Variants in ARNT2 observed in about 807,000 individuals in gnomAD.
ARNT2 encodes aryl hydrocarbon receptor nuclear translocator 2.
In ARNT2, 36 loss-of-function variants were observed where a neutral mutation model predicts 91.7. The observed-to-expected ratio is 0.39, with a 90% CI of 0.30 to 0.52. The LOEUF is 0.52. ARNT2 is among the 20% of genes least tolerant of loss of function. The pLI, the probability that ARNT2 is intolerant of heterozygous loss-of-function variation, is 0.72. For synonymous variants in ARNT2, 365 were observed against 347.1 expected (o/e 1.05, Z -0.57); for missense variants, 775 against 939.3 (o/e 0.83, Z 2.29).
chr15:80,578,682 GGGCAGCT>G (rs1465521541), intron 15 of ARNT2, among the ~76,000 whole-genome samples: 1 of 151,948 alleles, frequency 6.6e-6, no homozygotes, highest in Non-Finnish European at 1.5e-5. Flanking sequence ...AGCAGGTTTG[GGGCAGCT>G]GGCAGTGTGG....
Position 80,593,738 on chromosome 15 carries a change from A to G in ARNT2, c.*40A>G. 6.5e-7 allele frequency: 1 copy of G among 1,536,636 alleles called. No individual in the cohort carries two copies. Among genetic ancestry groups the G allele is most frequent in the Non-Finnish European group, 8.9e-7 (1 of 1,125,376 alleles). On this transcript the variant is annotated 3_prime_UTR_variant, in exon 19 of 19. Transcript: ENST00000303329. The stretch of plus-strand genomic sequence containing the variant: ...AGGCTCCTGCTGTACAGTGCCACCC[A>G]TACTGTGATGTCGATGCCCATGTGA...
At position 80,452,763 on chromosome 15, in the gene ARNT2, C is replaced by T. The variant is rs575192963; in HGVS notation, c.146+1769C>T. Among the ~76,000 whole-genome samples, 5 of 152,206 alleles carry T rather than the reference C, an allele frequency of 3.3e-5. No individual in the cohort carries two copies. In the East Asian group the frequency reaches 7.7e-4, roughly 24 times the overall value. ...AGAAACCGTCTCTGTGCTGGGAAGT[C>T]GCCTCTGAGCCTCTGCCAGGAGTTT... On this transcript the variant is annotated intron_variant, in intron 2 of 18. Coordinates refer to ENST00000303329, the MANE Select transcript of ARNT2 (RefSeq NM_014862.4).
chr15:80,543,159 A>G lies in ARNT2; in HGVS notation c.878-8040A>G, dbSNP rs555229121. On this transcript the variant is annotated intron_variant, in intron 8 of 18. Coordinates refer to ENST00000303329, the MANE Select transcript of ARNT2 (RefSeq NM_014862.4). ...TATGCCTCTTGCCTTCTTTGCCCAC[A>G]AACATATGTTTACCAGCAACTGGGG... Among the ~76,000 whole-genome samples, 15 of 151,032 alleles carry G rather than the reference A, an allele frequency of 9.9e-5. No homozygotes were observed. The South Asian group carries it at 3.2e-3, about 32-fold the overall frequency.
intron 5 of ARNT2, among the ~76,000 whole-genome samples, chr15:80,503,797 C>G (rs950217749): frequency 4.6e-5 from 7 of 152,234 alleles, no homozygotes; most frequent in Non-Finnish European, 8.8e-5. Context: ...AACCATTCCA[C>G]TGAATAGAAT....
chr15:80,597,870 T>A lies in ARNT2; in HGVS notation c.*4172T>A, dbSNP rs985615456. 2 of 152,776 alleles carry A rather than the reference T, an allele frequency of 1.3e-5. No individual in the cohort carries two copies. Among genetic ancestry groups the A allele is most frequent in the Non-Finnish European group, 2.9e-5 (2 of 68,124 alleles). The allele number at this position is 152,776 out of a possible 1,614,324, so 9.5% of individuals were successfully genotyped here. ...ACAGTTATTAAGTCGGTTGTGTATA[T>A]GTGTAACTAATGTAACTGCCTTTTA... is the stretch of plus-strand genomic sequence containing the variant. On this transcript the variant is annotated 3_prime_UTR_variant, in exon 19 of 19. Transcript: ENST00000303329.
chr15:80,537,262 A>T (rs969952515), intron 8 of ARNT2, among the ~76,000 whole-genome samples: 2 of 152,184 alleles, frequency 1.3e-5, no homozygotes, highest in African/African-American at 4.8e-5. Context: ...CTTACCTGGC[A>T]GTCCAAGAGG....
intron 1 of ARNT2, among the ~76,000 whole-genome samples, chr15:80,430,256 G>T (rs974913510): frequency 2.0e-5 from 3 of 152,052 alleles, no homozygotes; most frequent in Non-Finnish European, 4.4e-5. Context: ...ATCCTGAGTT[G>T]GAGATCTCTG....
intron 8 of ARNT2, among the ~76,000 whole-genome samples, chr15:80,516,828 A>ACTATATATATATATAT (rs1897440952): frequency 1.3e-5 from 1 of 74,800 alleles, no homozygotes; most frequent in Non-Finnish European, 2.7e-5. Flanking sequence ...TACAATTACA[A>ACTATATATATATATAT]ATATATATAT....
intron 8 of ARNT2, among the ~76,000 whole-genome samples, chr15:80,524,079 C>T (rs1897595406): frequency 6.6e-6 from 1 of 152,110 alleles, no homozygotes; most frequent in Admixed American, 6.5e-5. Flanking sequence ...CAGAGTTTAA[C>T]TTAATAGGGA....
At position 80,514,279 on chromosome 15, in the gene ARNT2, C is replaced by T; in HGVS notation, c.792-41C>T. 3 of 1,600,680 alleles carry T rather than the reference C, an allele frequency of 1.9e-6. No individual in the cohort carries two copies. In the Admixed American group the frequency reaches 5.0e-5, roughly 27 times the overall value. On this transcript the variant is annotated intron_variant, in intron 7 of 18. Transcript: ENST00000303329. ...GGAGTCATCAACATCCTTGCCTCAC[C>T]CTCATGTGATGAAAACAATTTCACA...
intron 8 of ARNT2, among the ~76,000 whole-genome samples, chr15:80,528,705 C>A (rs1439152382): frequency 6.6e-6 from 1 of 152,068 alleles, no homozygotes; most frequent in African/African-American, 2.4e-5. Flanking sequence ...CTGTTGTCTC[C>A]CCACTCTCTC....
chr15:80,480,818 C>T (rs1475354655), intron 5 of ARNT2, among the ~76,000 whole-genome samples: 2 of 152,108 alleles, frequency 1.3e-5, no homozygotes, highest in Non-Finnish European at 2.9e-5. Flanking sequence ...CTCTCCCCTC[C>T]TTCCTCCTTC....
At chr15:80,488,497 C>T (rs1184294767) in intron 5 of ARNT2, 1 of 152,068 alleles carries the variant, frequency 6.6e-6, no homozygotes, top group Non-Finnish European at 1.5e-5. Context: ...TTAAAATTCC[C>T]AGCTCTTAAA....
Position 80,468,140 on chromosome 15 carries a change from T to C in ARNT2, c.195-2078T>C, listed in dbSNP as rs1349102152. 2.6e-5 allele frequency among the ~76,000 whole-genome samples: 4 copies of C among 152,172 alleles called. No homozygotes were observed. In the East Asian group the frequency reaches 7.7e-4, roughly 29 times the overall value. On this transcript the variant is annotated intron_variant, in intron 3 of 18. Transcript: ENST00000303329. ...CTTCCCTACCAGAGTGGCTGTGCTCTGTGGACCAACGGCATTTGTGCCGTG... is the reference window on the plus strand; with the variant it reads ...CTTCCCTACCAGAGTGGCTGTGCTCCGTGGACCAACGGCATTTGTGCCGTG...
At chr15:80,531,829 T>C (rs1897745380) in intron 8 of ARNT2, among the ~76,000 whole-genome samples, 1 of 152,174 alleles carries the variant, frequency 6.6e-6, no homozygotes, top group Non-Finnish European at 1.5e-5. Flanking sequence ...CTCTTATAGA[T>C]GGAGAACCTG....
intron 8 of ARNT2, among the ~76,000 whole-genome samples, chr15:80,536,431 T>C (rs1037336232): frequency 6.6e-6 from 1 of 152,158 alleles, no homozygotes; most frequent in Non-Finnish European, 1.5e-5. Context: ...TGCCTGCCCC[T>C]TACTGTGCAC....
chr15:80,452,544 A>T lies in ARNT2; in HGVS notation c.146+1550A>T, dbSNP rs975472491. Among the ~76,000 whole-genome samples the T allele has an allele frequency of 4.6e-5, 7 of 152,210 alleles. No homozygotes were observed. In the South Asian group the frequency reaches 1.2e-3, roughly 27 times the overall value. On this transcript the variant is annotated intron_variant, in intron 2 of 18. Coordinates refer to ENST00000303329, the MANE Select transcript of ARNT2 (RefSeq NM_014862.4). ...GTCAACTTAATTGATTTTTTTTACA[A>T]TTCCAGGCCTTTTAAAATTATTTTA...
chr15:80,463,702 C>T (rs8034246), intron 3 of ARNT2, among the ~76,000 whole-genome samples: 18,350 of 151,812 alleles, frequency 0.12, 1,097 homozygotes, highest in East Asian at 0.16. Flanking sequence ...CCTCAGCCTC[C>T]GGAGTAGCTG....
intron 8 of ARNT2, among the ~76,000 whole-genome samples, chr15:80,550,611 G>C (rs1457576259): frequency 6.6e-6 from 1 of 152,338 alleles, no homozygotes; most frequent in East Asian, 1.9e-4. Context: ...CCTGTGAAGA[G>C]TGAGGATTGT....
Sources: gnomAD v4.1 joint callset for allele counts (sites outside exome capture counted in the v4.1 genomes callset) on GRCh38, gnomAD v4.1.1 for gene constraint, MANE v1.5 for transcripts, NCBI Gene and HGNC (gene_info 2026-07-23, HGNC 2026-07-21) for gene names.